PRKDC: variants seen among roughly 807,000 people sequenced by gnomAD.
PRKDC encodes the protein protein kinase, DNA-activated, catalytic subunit.
In PRKDC, 82 loss-of-function variants were observed where a neutral mutation model predicts 486.9. The observed-to-expected ratio is 0.17, with a 90% CI of 0.14 to 0.20. The LOEUF is 0.20. Ranked by LOEUF, PRKDC falls within the 10% of genes least tolerant of loss-of-function variation. The pLI is 1.00. For synonymous variants in PRKDC, 1,895 were observed against 1,837.0 expected (o/e 1.03, Z -0.81); for missense variants, 4,504 against 5,038.2 (o/e 0.89, Z 3.21).
chr8:47,881,043 TAAAAA>T (rs57817228), intron 38 of PRKDC, among the ~76,000 whole-genome samples: 4 of 90,490 alleles, frequency 4.4e-5, no homozygotes, highest in Non-Finnish European at 7.1e-5. Flanking sequence ...CGAGACTGTC[TAAAAA>T]AAAAAAAAAA....
chr8:47,957,772 C>T (rs2090731451), intron 1 of PRKDC, among the ~76,000 whole-genome samples: 1 of 152,164 alleles, frequency 6.6e-6, no homozygotes, highest in Non-Finnish European at 1.5e-5. Context: ...CCTCGGCCTC[C>T]CAAAGTGCTG....
intron 25 of PRKDC, among the ~76,000 whole-genome samples, chr8:47,909,707 T>G (rs1372845803): frequency 6.6e-6 from 1 of 152,138 alleles, no homozygotes; most frequent in Non-Finnish European, 1.5e-5. Flanking sequence ...GGGGAAGGAA[T>G]GCATTCCTAG....
rs2089987060 is a variant in PRKDC at position 47,916,572 on chromosome 8, T to C, written c.2527-1154A>G. 2.6e-5 allele frequency among the ~76,000 whole-genome samples: 4 copies of C among 152,234 alleles called. No individual in the cohort carries two copies. The South Asian group carries it at 8.3e-4, about 31-fold the overall frequency. ...AGATTTTCAGAAGTTTTCCTCAAAG[T>C]GGCAGGCTCGGTTCATTTTAGAGAA... On this transcript the variant is annotated intron_variant, in intron 22 of 85. Transcript: ENST00000314191.
chr8:47,820,930 G>C lies in PRKDC; in HGVS notation c.9125C>G (p.Pro3042Arg). Residue 3042 changes from proline (P) to arginine (R), a missense_variant, in exon 66 of 86, where the codon CCT (proline) becomes CGT (arginine). This residue lies in a region of PRKDC where 1,592 missense variants were observed against 1,724.6 expected (regional missense o/e 0.92). Transcript: ENST00000314191. ...CTTCAGCTTGCTGCGGATCATGTAAGGTAGATATGTTTCCTAAGGAACATA... is the reference window on the plus strand; with the variant it reads ...CTTCAGCTTGCTGCGGATCATGTAACGTAGATATGTTTCCTAAGGAACATA... The part of the protein sequence containing the change: ...SEPFYQETYL[P>R]YMIRSKLKLL... 6.3e-7 allele frequency: 1 copy of C among 1,590,142 alleles called. No homozygotes were observed. The highest frequency in any genetic ancestry group is 2.2e-5 in the East Asian group (1 of 44,654).
chr8:47,890,524 A>G (rs2089437045), intron 31 of PRKDC, 44 bp from the exon 32 acceptor site: 1 of 1,390,526 alleles, frequency 7.2e-7, no homozygotes, highest in African/African-American at 1.4e-5. Flanking sequence ...CTTCCTTTCA[A>G]CTCCACTAAG....
intron 45 of PRKDC, 69 bp from the exon 46 acceptor site, chr8:47,859,828 T>G: frequency 7.1e-7 from 1 of 1,408,220 alleles, no homozygotes; most frequent in South Asian, 1.3e-5. Context: ...TTTCTCTAAA[T>G]TCAAATGATA....
At chr8:47,926,443 AT>A (rs928550412) in intron 21 of PRKDC, among the ~76,000 whole-genome samples, 11 of 152,008 alleles carry the variant, frequency 7.2e-5, no homozygotes, top group African/African-American at 2.2e-4. Flanking sequence ...AAACCTCACA[AT>A]TTTTTTTCTG....
At chr8:47,925,948 A>T (rs2090150627) in intron 21 of PRKDC, among the ~76,000 whole-genome samples, 1 of 152,176 alleles carries the variant, frequency 6.6e-6, no homozygotes, top group Admixed American at 6.5e-5. Flanking sequence ...AACATGATAG[A>T]TTTTGTTTTG....
chr8:47,848,301 A>G (rs985339749), intron 54 of PRKDC, among the ~76,000 whole-genome samples: 1 of 152,246 alleles, frequency 6.6e-6, no homozygotes, highest in Non-Finnish European at 1.5e-5. Flanking sequence ...AATATTAGGC[A>G]GCCATAAAAA....
chr8:47,832,271 C>T (rs1237931971), intron 59 of PRKDC, among the ~76,000 whole-genome samples: 4 of 152,206 alleles, frequency 2.6e-5, no homozygotes, highest in Non-Finnish European at 5.9e-5. Flanking sequence ...GACCAGCCTC[C>T]CTCGGGACTG....
chr8:47,851,560 C>G (rs981940735), intron 52 of PRKDC, among the ~76,000 whole-genome samples: 6 of 152,206 alleles, frequency 3.9e-5, no homozygotes, highest in African/African-American at 1.4e-4. Context: ...TCCTGAGCCT[C>G]TCCTCATCCA....
rs537445983 is a variant in PRKDC at position 47,899,184 on chromosome 8, G to A, written c.3365-615C>T. Among the ~76,000 whole-genome samples the A allele has an allele frequency of 5.3e-5, 8 of 152,190 alleles. No homozygotes were observed. The South Asian group carries it at 1.0e-3, about 20-fold the overall frequency. ...TTTTCTATGTTTTTTAAATATGTCC[G>A]TGATCACAAAAAAAGTTTCACTCGT... On this transcript the variant is annotated intron_variant, in intron 28 of 85. Coordinates refer to ENST00000314191, the MANE Select transcript of PRKDC (RefSeq NM_006904.7).
chr8:47,877,313 T>C (rs1172898880), intron 40 of PRKDC, among the ~76,000 whole-genome samples: 1 of 152,242 alleles, frequency 6.6e-6, no homozygotes, highest in African/African-American at 2.4e-5. Flanking sequence ...GAAATCTGAC[T>C]ATGGAATTAC....
At chr8:47,921,095 A>G (rs556886821) in intron 21 of PRKDC, among the ~76,000 whole-genome samples, 4 of 152,250 alleles carry the variant, frequency 2.6e-5, no homozygotes, top group African/African-American at 9.6e-5. Context: ...TCTACTAAAA[A>G]TACAAAAAAA....
chr8:47,798,430 C>T (rs1475279222), intron 72 of PRKDC, 33 bp from the exon 73 acceptor site: 4 of 1,527,954 alleles, frequency 2.6e-6, no homozygotes, highest in Non-Finnish European at 3.5e-6. Context: ...AAGCAATGGT[C>T]AATGTATCCC....
At chr8:47,869,522 A>T (rs916139955) in intron 40 of PRKDC, among the ~76,000 whole-genome samples, 2 of 151,888 alleles carry the variant, frequency 1.3e-5, no homozygotes, top group Non-Finnish European at 2.9e-5. Context: ...AGTGCTAACC[A>T]GGTAGTACTT....
At chr8:47,893,471 A>C in intron 30 of PRKDC, 84 bp from the exon 31 acceptor site, 1 of 1,317,422 alleles carries the variant, frequency 7.6e-7, no homozygotes, top group Non-Finnish European at 9.9e-7. Context: ...TCAAAATGTT[A>C]TGGGACAATC....
intron 25 of PRKDC, among the ~76,000 whole-genome samples, chr8:47,910,081 G>A (rs1273660884): frequency 3.3e-5 from 5 of 152,098 alleles, no homozygotes; most frequent in South Asian, 2.1e-4. Flanking sequence ...TTGTCATCAC[G>A]GTCCCGGGTG....
chr8:47,872,823 A>T (rs779858346), intron 40 of PRKDC, among the ~76,000 whole-genome samples: 1 of 152,234 alleles, frequency 6.6e-6, no homozygotes, highest in Non-Finnish European at 1.5e-5. Flanking sequence ...GAGACAGACC[A>T]TAATGCAACA....
Sources: allele counts gnomAD v4.1 joint callset (sites outside exome capture counted in the v4.1 genomes callset), GRCh38; gene constraint gnomAD v4.1.1; regional missense constraint gnomAD v4.1.1; transcripts MANE v1.5; gene names NCBI Gene and HGNC (gene_info 2026-07-23, HGNC 2026-07-21).